PHEX: variants seen among roughly 807,000 people sequenced by gnomAD.
The protein encoded by PHEX is phosphate-regulating neutral endopeptidase PHEX.
Under a neutral mutation model 68.0 loss-of-function variants are expected in PHEX, and 16 were observed. The ratio of observed to expected loss-of-function variants is 0.24; its 90% CI spans 0.16 to 0.36. The LOEUF (loss-of-function observed/expected upper bound fraction) is 0.36, where lower values mean the gene tolerates loss of function less well. Among genes scored for constraint, PHEX ranks in the 10% least tolerant of loss-of-function variants. The pLI, the probability that PHEX is intolerant of heterozygous loss-of-function variation, is 1.00. For missense variants in PHEX, 480 were observed against 575.5 expected (o/e 0.83, Z 1.70); for synonymous variants, 208 against 205.1 (o/e 1.01, Z -0.12).
intron 6 of PHEX, among the ~76,000 whole-genome samples, chrX:22,091,676 C>A (rs1418807782): frequency 1.8e-5 from 2 of 111,868 alleles, no homozygotes; most frequent in Admixed American, 1.9e-4. Context: ...TCTTTCCTAT[C>A]TCATCTGGAT....
intron 6 of PHEX, among the ~76,000 whole-genome samples, chrX:22,090,889 C>T (rs1375647260): frequency 1.8e-5 from 2 of 111,852 alleles, no homozygotes; most frequent in African/African-American, 6.5e-5. Context: ...ACTTGGGAGG[C>T]TTTCATTAAA....
chrX:22,190,352 G>A, intron 14 of PHEX, 92 bp from the exon 15 acceptor site: 1 of 614,395 alleles, frequency 1.6e-6, no homozygotes, highest in Admixed American at 2.2e-5. Context: ...CATGTTATCT[G>A]CTAATAAACC....
chrX:22,229,219 T>C lies in PHEX; in HGVS notation c.2070+1608T>C, dbSNP rs769050646. The stretch of plus-strand genomic sequence containing the variant: ...CATAAGTGTGCATGGCATCTTTCTT[T>C]ATAGTAGCATGGTTTATAATCCTTT... On this transcript the variant is annotated intron_variant, in intron 20 of 21. Coordinates refer to ENST00000379374, the MANE Select transcript of PHEX (RefSeq NM_000444.6). 2.5e-4 allele frequency among the ~76,000 whole-genome samples: 28 copies of C among 112,275 alleles called. 1 individual carries two copies. In the South Asian group the frequency reaches 3.3e-3, roughly 13 times the overall value.
At chrX:22,172,087 G>A in intron 13 of PHEX, 1 of 112,188 alleles carries the variant, frequency 8.9e-6, no homozygotes, top group Admixed American at 9.4e-5. Context: ...GTAAACTGAG[G>A]TACTCAGCAA....
chrX:22,119,103 C>T (rs1235246853), intron 11 of PHEX, among the ~76,000 whole-genome samples: 1 of 111,546 alleles, frequency 9.0e-6, no homozygotes, highest in African/African-American at 3.3e-5. Context: ...GTTGCCCAGG[C>T]TGGAGTGCAG....
chrX:22,184,617 G>C (rs1972523456), intron 14 of PHEX, among the ~76,000 whole-genome samples: 3 of 111,716 alleles, frequency 2.7e-5, no homozygotes, highest in Admixed American at 1.9e-4. Context: ...ATATTTAGGG[G>C]TTGGTTCACA....
At chrX:22,128,850 G>T (rs1249867984) in intron 11 of PHEX, among the ~76,000 whole-genome samples, 2 of 94,049 alleles carry the variant, frequency 2.1e-5, no homozygotes, top group Non-Finnish European at 4.2e-5. Flanking sequence ...TACTTTCCAA[G>T]ACCCCCCCCA....
intron 3 of PHEX, among the ~76,000 whole-genome samples, chrX:22,055,095 A>C (rs1928017342): frequency 1.9e-5 from 2 of 104,114 alleles, no homozygotes; most frequent in Admixed American, 1.1e-4. Flanking sequence ...GAATTGCATG[A>C]ACCTGGGAGG....
At chrX:22,229,596 T>C (rs1935637913) in intron 20 of PHEX, among the ~76,000 whole-genome samples, 1 of 112,585 alleles carries the variant, frequency 8.9e-6, no homozygotes, top group South Asian at 3.6e-4. Flanking sequence ...AGGTTGTTTT[T>C]TTCTTGTAAA....
At chrX:22,186,569 C>T (rs1173857868) in intron 14 of PHEX, among the ~76,000 whole-genome samples, 1 of 112,249 alleles carries the variant, frequency 8.9e-6, no homozygotes, top group Admixed American at 9.4e-5. Context: ...TGGCATGGGC[C>T]CTGAACAAAT....
At position 22,212,955 on chromosome X, in the gene PHEX, C is replaced by T. The variant is rs1934978191; in HGVS notation, c.1697C>T (p.Pro566Leu). ...CCTTTCTTTTGGGGAACAGAATATC[C>T]TCGGTGAGTAAATGAGTACAGAAAC... ...QKPFFWGTEY[P>L]RSLSYGAIGV... The change falls in exon 16 of 22, where the codon CCT becomes CTT. Residue 566 changes from proline to leucine, a missense_variant. Pro to Leu is a moderately conservative substitution (Grantham distance 98). Transcript: ENST00000379374. 3.4e-6 allele frequency: 4 copies of T among 1,186,725 alleles called. No individual in the cohort carries two copies. The African/African-American group carries it at 5.3e-5, about 16-fold the overall frequency.
intron 5 of PHEX, among the ~76,000 whole-genome samples, chrX:22,084,064 T>A (rs1171849934): frequency 8.9e-6 from 1 of 112,591 alleles, no homozygotes; most frequent in Non-Finnish European, 1.9e-5. Context: ...TTTTATTGAA[T>A]GCTTTTACAG....
In PHEX at chrX:22,136,420, T is replaced by C. The variant is rs144872567; in HGVS notation, c.1404+2796T>C. 1.4e-3 allele frequency among the ~76,000 whole-genome samples: 162 copies of C among 112,034 alleles called. No individual in the cohort carries two copies. In the East Asian group the frequency reaches 0.018, roughly 12 times the overall value. On this transcript the variant is annotated intron_variant, in intron 12 of 21. Coordinates refer to ENST00000379374, the MANE Select transcript of PHEX (RefSeq NM_000444.6). Reference sequence around the variant, plus strand: ...TCCTGGTATGACTTGGCACTGTTCTTTGGGCATGTGTTGTATGCAGTGTAT... The same window carrying C: ...TCCTGGTATGACTTGGCACTGTTCTCTGGGCATGTGTTGTATGCAGTGTAT...
At chrX:22,110,635 A>G (rs1387683942) in intron 9 of PHEX, among the ~76,000 whole-genome samples, 1 of 95,019 alleles carries the variant, frequency 1.1e-5, no homozygotes, top group African/African-American at 4.0e-5. Flanking sequence ...AAAAATGATG[A>G]GTTCATGTCC....
rs373604127 is a variant in PHEX, at chrX:22,134,991, G to A, written c.1404+1367G>A. ...CTTAACCTTGTTGAAATGAGAACAC[G>A]TAGAGTTTTAGCAAGGATATTTTCT... On this transcript the variant is annotated intron_variant, in intron 12 of 21. Transcript: ENST00000379374. 3.4e-4 allele frequency among the ~76,000 whole-genome samples: 38 copies of A among 112,186 alleles called. 4 individuals carry two copies. The highest frequency in any genetic ancestry group is 2.8e-3 in the Admixed American group (30 of 10,594).
intron 3 of PHEX, among the ~76,000 whole-genome samples, chrX:22,069,390 G>A (rs1057165512): frequency 4.5e-5 from 5 of 111,653 alleles, no homozygotes; most frequent in African/African-American, 1.6e-4. Flanking sequence ...TTGATAATAA[G>A]TATAATTCTT....
intron 13 of PHEX, among the ~76,000 whole-genome samples, chrX:22,176,394 AAAAAAAAAAT>A (rs1332538800): frequency 4.0e-4 from 33 of 81,888 alleles, no homozygotes; most frequent in African/African-American, 2.0e-3. Flanking sequence ...CAAAAAAAAA[AAAAAAAAAAT>A]ATATATATAT....
Position 22,138,779 on chromosome X carries a change from G to A in PHEX, c.1404+5155G>A, listed in dbSNP as rs572358975. ...CAGATTCTAGCACATTTGCATAACC[G>A]CTCAAGAATGCAGTCACCCTGCGTC... On this transcript the variant is annotated intron_variant, in intron 12 of 21. Transcript: ENST00000379374. Among the ~76,000 whole-genome samples the A allele has an allele frequency of 3.2e-4, 36 of 112,098 alleles. No homozygotes were observed. In the East Asian group the frequency reaches 5.9e-3, roughly 18 times the overall value.
At chrX:22,161,452 C>T (rs16981804) in intron 12 of PHEX, among the ~76,000 whole-genome samples, 5,935 of 112,312 alleles carry the variant, frequency 0.053, 348 homozygotes, top group African/African-American at 0.18. Context: ...CCCAGGGAAA[C>T]GTACCTTGGT....
Sources: gnomAD v4.1 joint callset for allele counts (sites outside exome capture counted in the v4.1 genomes callset) on GRCh38, gnomAD v4.1.1 for gene constraint, MANE v1.5 for transcripts, NCBI Gene and HGNC (gene_info 2026-07-23, HGNC 2026-07-21) for gene names.